The following TLN2 variants were observed in gnomAD, a reference collection of about 807,000 sequenced individuals.
The protein encoded by TLN2 is talin 2, also known as talin-2.
In TLN2, 118 loss-of-function variants were observed where a neutral mutation model predicts 294.7. That is an observed-to-expected ratio of 0.40 (90% confidence interval 0.34 to 0.47). The LOEUF (loss-of-function observed/expected upper bound fraction) is 0.47, where lower values mean the gene tolerates loss of function less well. Ranked by LOEUF, TLN2 falls within the 20% of genes least tolerant of loss-of-function variation. TLN2 has a pLI of 0.84. For missense variants in TLN2, 3,083 were observed against 3,282.2 expected, an observed-to-expected ratio of 0.94 and a Z score of 1.48; for synonymous variants, 1,431 against 1,304.5, an observed-to-expected ratio of 1.10 and a Z score of -2.09.
intron 1 of TLN2, among the ~76,000 whole-genome samples, chr15:62,564,258 C>T (rs1430998943): frequency 6.6e-6 from 1 of 152,144 alleles, no homozygotes; most frequent in East Asian, 1.9e-4. Flanking sequence ...CTCTGGTGGG[C>T]TTCTCCCCAA....
rs2059228139 is a variant in TLN2, at chr15:62,708,698, A to C, written c.2369A>C (p.Gln790Pro). Residue 790 changes from glutamine to proline, a missense_variant, in exon 21 of 59, where the codon CAG (glutamine) becomes CCG (proline). Transcript: ENST00000636159. ...ALHDLLQHVR[Q>P]FASRGEPIGR... ...CATGATCTCCTGCAGCATGTGCGGCAGTTTGCCAGCCGAGGCGAGCCCATC... is the reference window on the plus strand; with the variant it reads ...CATGATCTCCTGCAGCATGTGCGGCCGTTTGCCAGCCGAGGCGAGCCCATC... 8.7e-6 allele frequency: 14 copies of C among 1,613,956 alleles called. No individual in the cohort carries two copies. The East Asian group carries it at 3.1e-4, about 36-fold the overall frequency.
At chr15:62,689,472 ATTG>A (rs2057589220) in intron 12 of TLN2, among the ~76,000 whole-genome samples, 1 of 151,898 alleles carries the variant, frequency 6.6e-6, no homozygotes, top group Non-Finnish European at 1.5e-5. Context: ...TATCTACCCC[ATTG>A]TTCTTCTTGC....
At chr15:62,603,977 A>T (rs2047205457) in intron 2 of TLN2, among the ~76,000 whole-genome samples, 1 of 152,264 alleles carries the variant, frequency 6.6e-6, no homozygotes, top group African/African-American at 2.4e-5. Context: ...GTTGGCACAC[A>T]GAAAGCAGGC....
intron 1 of TLN2, among the ~76,000 whole-genome samples, chr15:62,506,687 A>G (rs1370045980): frequency 6.6e-6 from 1 of 152,238 alleles, no homozygotes; most frequent in Admixed American, 6.5e-5. Context: ...TTGATATGGC[A>G]GAAGCAGGCG....
Position 62,763,892 on chromosome 15 carries a change from G to A in TLN2, c.5094+197G>A, listed in dbSNP as rs375370945. On this transcript the variant is annotated intron_variant, in intron 40 of 58. Coordinates refer to ENST00000636159, the MANE Select transcript of TLN2 (RefSeq NM_015059.3). ...GGGCAGATGCCAAGTAGAGAAGGGT[G>A]GCTTGGGGGAAGGAATACAGGTACT... Among the ~76,000 whole-genome samples, 65 of 152,308 alleles carry A rather than the reference G, an allele frequency of 4.3e-4. No individual in the cohort carries two copies. The Middle Eastern group carries it at 0.01, about 24-fold the overall frequency.
chr15:62,780,733 G>C (rs1267054050), intron 43 of TLN2, among the ~76,000 whole-genome samples: 1 of 152,222 alleles, frequency 6.6e-6, no homozygotes, highest in Non-Finnish European at 1.5e-5. Flanking sequence ...TGGAGAGTCT[G>C]CCTCCTTTCC....
chr15:62,803,463 C>A (rs1228185768), intron 50 of TLN2, among the ~76,000 whole-genome samples: 3 of 152,150 alleles, frequency 2.0e-5, no homozygotes, highest in Non-Finnish European at 4.4e-5. Context: ...CCTTTTGAAG[C>A]TATTTTCTAG....
intron 1 of TLN2, among the ~76,000 whole-genome samples, chr15:62,431,553 T>C (rs2035013412): frequency 6.6e-6 from 1 of 152,242 alleles, no homozygotes; most frequent in African/African-American, 2.4e-5. Context: ...GGTTTGTGCC[T>C]GGAAGGATCA....
chr15:62,816,852 GT>G (rs1307189631), intron 52 of TLN2, among the ~76,000 whole-genome samples: 2 of 152,152 alleles, frequency 1.3e-5, no homozygotes, highest in African/African-American at 4.8e-5. Flanking sequence ...AGCATATATT[GT>G]TGCAGACAAA....
chr15:62,485,414 G>T (rs546998267), intron 1 of TLN2, among the ~76,000 whole-genome samples: 1 of 152,198 alleles, frequency 6.6e-6, no homozygotes, highest in South Asian at 2.1e-4. Flanking sequence ...GCTGTTCGAT[G>T]CCTGGCGGTG....
intron 1 of TLN2, among the ~76,000 whole-genome samples, chr15:62,549,252 A>G (rs1051808082): frequency 1.1e-4 from 16 of 152,300 alleles, no homozygotes; most frequent in Admixed American, 3.9e-4. Flanking sequence ...TTAGTCTTCC[A>G]TTTGTTCAGA....
intron 1 of TLN2, among the ~76,000 whole-genome samples, chr15:62,537,275 A>C (rs999416773): frequency 6.6e-6 from 1 of 151,978 alleles, no homozygotes; most frequent in Non-Finnish European, 1.5e-5. Flanking sequence ...TCTGCCTCCC[A>C]AAGTGCTGGG....
At chr15:62,779,813 G>C (rs2063997954) in intron 43 of TLN2, among the ~76,000 whole-genome samples, 1 of 152,262 alleles carries the variant, frequency 6.6e-6, no homozygotes, top group Non-Finnish European at 1.5e-5. Flanking sequence ...AAAAAGTCTA[G>C]TGTGGAGTTT....
intron 1 of TLN2, among the ~76,000 whole-genome samples, chr15:62,411,524 G>A (rs1249000673): frequency 6.7e-6 from 1 of 150,098 alleles, no homozygotes; most frequent in Non-Finnish European, 1.5e-5. Flanking sequence ...CAGGATAGAA[G>A]TTTGATATAT....
At chr15:62,443,560 T>A (rs1274793830) in intron 1 of TLN2, among the ~76,000 whole-genome samples, 2 of 152,234 alleles carry the variant, frequency 1.3e-5, no homozygotes, top group African/African-American at 4.8e-5. Context: ...AATCAACGTC[T>A]ATTAAAATTC....
chr15:62,673,795 A>C, intron 9 of TLN2, 32 bp from the exon 10 acceptor site: 1 of 1,573,568 alleles, frequency 6.4e-7, no homozygotes, highest in Non-Finnish European at 8.7e-7. Flanking sequence ...AACATGATAA[A>C]TGCCTTTCCT....
chr15:62,795,801 C>T (rs2065432622), intron 46 of TLN2, among the ~76,000 whole-genome samples: 1 of 152,356 alleles, frequency 6.6e-6, no homozygotes, highest in East Asian at 1.9e-4. Flanking sequence ...TGAGTACTTA[C>T]TATGTGCCAA....
At position 62,582,184 on chromosome 15, in the gene TLN2, A is replaced by G. The variant is rs900240339; in HGVS notation, c.-237-7503A>G. On this transcript the variant is annotated intron_variant, in intron 1 of 58. Coordinates refer to ENST00000636159, the MANE Select transcript of TLN2 (RefSeq NM_015059.3). ...AATCAGCCAGCCATAACTTCAGTGCATGTGTATGCATACACACACACACAC... is the reference window on the plus strand; with the variant it reads ...AATCAGCCAGCCATAACTTCAGTGCGTGTGTATGCATACACACACACACAC... Among the ~76,000 whole-genome samples, 10 of 146,078 alleles carry G rather than the reference A, an allele frequency of 6.8e-5. No homozygotes were observed. In the Admixed American group the frequency reaches 6.9e-4, roughly 10 times the overall value.
intron 44 of TLN2, among the ~76,000 whole-genome samples, chr15:62,783,280 C>T (rs963784364): frequency 6.6e-6 from 1 of 152,256 alleles, no homozygotes; most frequent in African/African-American, 2.4e-5. Flanking sequence ...CCCTCTCTCA[C>T]CTGGGTGGGA....
Sources: gnomAD v4.1 joint callset for allele counts (sites outside exome capture counted in the v4.1 genomes callset) on GRCh38, gnomAD v4.1.1 for gene constraint, MANE v1.5 for transcripts, NCBI Gene and HGNC (gene_info 2026-07-23, HGNC 2026-07-21) for gene names.